MEGF6: variants seen among roughly 807,000 people sequenced by gnomAD.
The protein encoded by MEGF6 is multiple EGF like domains 6, also known as multiple epidermal growth factor-like domains protein 6.
Under a neutral mutation model 207.1 loss-of-function variants are expected in MEGF6, and 184 were observed. That is an observed-to-expected ratio of 0.89 (90% CI 0.79 to 1.00). The LOEUF (loss-of-function observed/expected upper bound fraction) is 1.00. MEGF6 is among the 50% of genes least tolerant of loss of function. The pLI is 0.00. For missense variants in MEGF6, 2,282 were observed against 2,202.9 expected, an observed-to-expected ratio of 1.04 and a Z score of -0.72; for synonymous variants, 1,038 against 910.0, an observed-to-expected ratio of 1.14 and a Z score of -2.53.
intron 3 of MEGF6, among the ~76,000 whole-genome samples, 166 bp downstream of exon 3, chr1:3,595,172 C>T (rs934405683): frequency 2.0e-4 from 31 of 152,236 alleles, no homozygotes; most frequent in Admixed American, 1.6e-3. Context: ...TCGCTGACGT[C>T]GCTTTTGCAG....
At chr1:3,508,906 C>G (rs146434481) in intron 12 of MEGF6, among the ~76,000 whole-genome samples, 169 bp downstream of exon 12, 66 of 152,314 alleles carry the variant, frequency 4.3e-4, no homozygotes, top group Non-Finnish European at 6.8e-4. Context: ...CCCGCACGAG[C>G]TGCGCAAACT....
intron 3 of MEGF6, among the ~76,000 whole-genome samples, chr1:3,593,804 C>A (rs1349759616): frequency 6.6e-6 from 1 of 151,552 alleles, no homozygotes; most frequent in African/African-American, 2.4e-5. Context: ...GGGCTGGGAC[C>A]CCCTCCGAGG....
intron 2 of MEGF6, 125 bp downstream of exon 2, chr1:3,602,341 G>T: frequency 7.1e-7 from 1 of 1,399,236 alleles, no homozygotes; most frequent in Non-Finnish European, 9.7e-7. Flanking sequence ...AGGGCTTCAG[G>T]CAGGGGTTGC....
In MEGF6 at chr1:3,499,798, T is replaced by C; in HGVS notation, c.2834A>G (p.His945Arg). The C allele has an allele frequency of 6.4e-7, 1 of 1,560,360 alleles. No individual in the cohort carries two copies. Among genetic ancestry groups the C allele is most frequent in the Non-Finnish European group, 8.7e-7 (1 of 1,152,906 alleles). The change falls in exon 22 of 37, where the codon CAT becomes CGT. Residue 945 changes from histidine to arginine, a missense_variant and splice_region_variant. By Grantham distance (29) the His-to-Arg change is conservative (BLOSUM62 0). Transcript: ENST00000356575. ...CCCCCGCCTGTGCCGTAGCTCACCA[T>C]GCTCGCAGAAGGTGCCCCTCCAGCC... is the stretch of plus-strand genomic sequence containing the variant. ...PAGWRGTFCE[H>R]ACPAGFFGLD... is the part of the protein sequence containing the mutation.
At chr1:3,605,546 A>AC (rs1644234470) in intron 1 of MEGF6, among the ~76,000 whole-genome samples, 1 of 25,844 alleles carries the variant, frequency 3.9e-5, no homozygotes, top group African/African-American at 6.0e-5. Context: ...AATCACACAT[A>AC]TTCTCATACA....
intron 5 of MEGF6, among the ~76,000 whole-genome samples, chr1:3,517,800 C>A (rs987289774): frequency 6.6e-6 from 1 of 152,256 alleles, no homozygotes; most frequent in African/African-American, 2.4e-5. Flanking sequence ...GGGGAAGACC[C>A]TCCCTGTCTG....
At chr1:3,576,901 CCCCTGCACACCTGG>C (rs1643658942) in intron 4 of MEGF6, among the ~76,000 whole-genome samples, 1 of 147,850 alleles carries the variant, frequency 6.8e-6, no homozygotes, top group Non-Finnish European at 1.5e-5. Flanking sequence ...GCACACTCCA[CCCCTGCACACCTGG>C]CCCTGCACAC....
intron 21 of MEGF6, among the ~76,000 whole-genome samples, chr1:3,500,390 G>A (rs1640803960): frequency 1.3e-5 from 2 of 152,272 alleles, no homozygotes; most frequent in South Asian, 4.1e-4. Flanking sequence ...AAGCAGAGCA[G>A]TGGGGGCTGG....
intron 4 of MEGF6, among the ~76,000 whole-genome samples, chr1:3,537,226 C>G (rs1268113966): frequency 2.0e-5 from 3 of 152,260 alleles, no homozygotes; most frequent in Non-Finnish European, 4.4e-5. Context: ...TCTACCTCCT[C>G]AGCGGGCAAT....
intron 1 of MEGF6, among the ~76,000 whole-genome samples, chr1:3,609,883 C>T (rs569631762): frequency 9.9e-5 from 15 of 152,206 alleles, no homozygotes; most frequent in African/African-American, 1.7e-4. Context: ...GCAGAGACAG[C>T]GGGACATCCA....
intron 4 of MEGF6, chr1:3,531,587 GC>G (rs1642175742): frequency 6.3e-6 from 5 of 792,866 alleles, no homozygotes; most frequent in Non-Finnish European, 6.2e-6. Context: ...CAGCGTGCGC[GC>G]TCCCGGACCC....
In MEGF6 at chr1:3,573,274, G is replaced by A. The variant is rs951405298; in HGVS notation, c.481+6551C>T. ...CCTCCCAGGTGTGCTGGGTCCCCCC[G>A]CCAGGTAACCCCTAGTCCTCCTGGG... On this transcript the variant is annotated intron_variant, in intron 4 of 36. Transcript: ENST00000356575. The surrounding 1 kb of genome is among the most constrained non-coding windows in gnomAD (Gnocchi z 5.1). Among the ~76,000 whole-genome samples the A allele has an allele frequency of 6.6e-6, 1 of 152,130 alleles. No individual in the cohort carries two copies. The highest frequency in any genetic ancestry group is 1.5e-5 in the Non-Finnish European group (1 of 67,990).
In MEGF6 at chr1:3,490,390, C is replaced by A. The variant is rs1569908828; in HGVS notation, c.*138G>T. The A allele has an allele frequency of 2.1e-6, 2 of 953,176 alleles. No homozygotes were observed. The highest frequency in any genetic ancestry group is 2.7e-5 in the Admixed American group (1 of 36,692). The allele number at this position is 953,176 out of a possible 1,614,324, so 59.0% of individuals were successfully genotyped here. On this transcript the variant is annotated 3_prime_UTR_variant, in exon 37 of 37. Transcript: ENST00000356575. ...CAAGAGCGACAGGTTGCTGGGCTGTCCACAGCCCTCCACGGCCCTCAAAGG... is the reference window on the plus strand; with the variant it reads ...CAAGAGCGACAGGTTGCTGGGCTGTACACAGCCCTCCACGGCCCTCAAAGG...
chr1:3,529,007 G>A (rs1437290400), intron 4 of MEGF6, among the ~76,000 whole-genome samples: 2 of 152,196 alleles, frequency 1.3e-5, no homozygotes, highest in East Asian at 3.9e-4. Flanking sequence ...GGAAATCGGG[G>A]CTCCCAGTGC....
Position 3,499,256 on chromosome 1 carries a change from G to C in MEGF6, c.2976C>G (p.Ala992=), listed in dbSNP as rs1395878791. ...RGPRCAETCP[A]HTYGHNCSQA... Reference sequence around the variant, plus strand: ...GGCTGCAATTGTGCCCGTAGGTGTGGGCTGGGCAGGCTGCAGGTGGAGAGG... The same window carrying C: ...GGCTGCAATTGTGCCCGTAGGTGTGCGCTGGGCAGGCTGCAGGTGGAGAGG... Residue 992 remains alanine (A), a synonymous_variant, in exon 24 of 37, where the codon GCC becomes GCG. Transcript: ENST00000356575. 1.9e-6 allele frequency: 3 copies of C among 1,604,282 alleles called. No homozygotes were observed. The highest frequency in any genetic ancestry group is 1.3e-5 in the African/African-American group (1 of 74,826).
intron 6 of MEGF6, 58 bp downstream of exon 6, chr1:3,515,344 G>T: frequency 6.4e-7 from 1 of 1,558,176 alleles, no homozygotes; most frequent in Non-Finnish European, 8.7e-7. Flanking sequence ...CAGCCCAGGC[G>T]AGGCAGCTTG....
At chr1:3,500,890 G>T (rs1022441927) in intron 20 of MEGF6, 76 bp downstream of exon 20, 2 of 1,605,108 alleles carry the variant, frequency 1.2e-6, no homozygotes, top group Non-Finnish European at 1.7e-6. Context: ...GTCCTCGGGG[G>T]CCCTGGGCAG....
intron 4 of MEGF6, among the ~76,000 whole-genome samples, chr1:3,567,967 G>A (rs1260406203): frequency 3.3e-5 from 5 of 152,032 alleles, no homozygotes; most frequent in Non-Finnish European, 7.4e-5. Flanking sequence ...TTCTTCCCAA[G>A]GGTCTCACAG....
rs1308110561 is a variant in MEGF6, at chr1:3,565,818, C to T, written c.481+14007G>A. Among the ~76,000 whole-genome samples the T allele has an allele frequency of 6.6e-6, 1 of 152,180 alleles. No homozygotes were observed. Among genetic ancestry groups the T allele is most frequent in the African/African-American group, 2.4e-5 (1 of 41,436 alleles). ...GTGGACATCCAGGTGCCTTCCAACT[C>T]TGCTCCAGCCACGCTCGGCATTCCG... On this transcript the variant is annotated intron_variant, in intron 4 of 36. Coordinates refer to ENST00000356575, the MANE Select transcript of MEGF6 (RefSeq NM_001409.4). This position sits in a 1 kb window ranked among gnomAD's most constrained non-coding sequence, Gnocchi z 4.8.
Sources: allele counts gnomAD v4.1 joint callset (sites outside exome capture counted in the v4.1 genomes callset), GRCh38; gene constraint gnomAD v4.1.1; non-coding constraint Gnocchi (gnomAD v3.1); transcripts MANE v1.5; gene names NCBI Gene and HGNC (gene_info 2026-07-23, HGNC 2026-07-21).